The following KCNMA1 variants were observed in gnomAD, a reference collection of about 807,000 sequenced individuals.
KCNMA1 encodes Calcium-activated potassium channel subunit alpha-1.
A neutral mutation model predicts 140.0 loss-of-function variants in KCNMA1; 29 were observed. That is an observed-to-expected ratio of 0.21 (90% CI 0.15 to 0.28). The LOEUF (loss-of-function observed/expected upper bound fraction) is 0.28, where lower values mean the gene tolerates loss of function less well. KCNMA1 is among the 10% of genes least tolerant of loss of function. The pLI is 1.00. For missense variants in KCNMA1, 880 were observed against 1,602.2 expected, an observed-to-expected ratio of 0.55 and a Z score of 7.70; for synonymous variants, 612 against 611.9, an observed-to-expected ratio of 1.00 and a Z score of 0.00.
intron 12 of KCNMA1, among the ~76,000 whole-genome samples, chr10:77,080,280 C>T (rs1350605830): frequency 6.6e-6 from 1 of 152,226 alleles, no homozygotes; most frequent in Admixed American, 6.5e-5. Context: ...AATACGACAG[C>T]CTGCCCAGAG....
At chr10:77,212,940 C>T (rs995984050) in intron 3 of KCNMA1, among the ~76,000 whole-genome samples, 4 of 152,136 alleles carry the variant, frequency 2.6e-5, no homozygotes, top group African/African-American at 7.2e-5. Context: ...TAATTGGTTT[C>T]GTAAGCCTTC....
chr10:77,186,285 A>G (rs1243809525), intron 3 of KCNMA1, among the ~76,000 whole-genome samples: 1 of 152,080 alleles, frequency 6.6e-6, no homozygotes, highest in African/African-American at 2.4e-5. Flanking sequence ...AAATCTCCAG[A>G]CAAGCATTAA....
At chr10:77,480,130 T>C (rs1414737464) in intron 1 of KCNMA1, among the ~76,000 whole-genome samples, 1 of 152,224 alleles carries the variant, frequency 6.6e-6, no homozygotes, top group African/African-American at 2.4e-5. Context: ...GACGCCCATA[T>C]ATGTCAACTG....
Position 77,573,515 on chromosome 10 carries a change from C to T in KCNMA1, c.378+63750G>A, listed in dbSNP as rs183445917. ...AGCATCCTCCTCTACAGCAGGAGAG[C>T]TGGACTACAACAGCAATTTCAGATG... On this transcript the variant is annotated intron_variant, in intron 1 of 27. Transcript: ENST00000286628. 2.6e-5 allele frequency among the ~76,000 whole-genome samples: 4 copies of T among 152,194 alleles called. No homozygotes were observed. In the East Asian group the frequency reaches 7.7e-4, roughly 29 times the overall value.
At chr10:77,329,199 A>G (rs1031554425) in intron 2 of KCNMA1, among the ~76,000 whole-genome samples, 2 of 152,174 alleles carry the variant, frequency 1.3e-5, no homozygotes, top group African/African-American at 4.8e-5. Context: ...TGACTCTAAA[A>G]TCATCAAAAA....
At chr10:76,985,513 T>A (rs1288905069) in intron 19 of KCNMA1, among the ~76,000 whole-genome samples, 1 of 152,224 alleles carries the variant, frequency 6.6e-6, no homozygotes, top group East Asian at 1.9e-4. Flanking sequence ...TTTGCTCCTA[T>A]AACAAAACCT....
At chr10:77,018,941 C>A in intron 17 of KCNMA1, 72 bp downstream of exon 17, 1 of 848,340 alleles carries the variant, frequency 1.2e-6, no homozygotes, top group Non-Finnish European at 2.1e-6. Flanking sequence ...GTTATGGAAG[C>A]CTGCCTACTT....
chr10:77,097,232 G>A (rs1471724356), intron 9 of KCNMA1, among the ~76,000 whole-genome samples: 1 of 152,084 alleles, frequency 6.6e-6, no homozygotes, highest in Non-Finnish European at 1.5e-5. Flanking sequence ...TTCCCTTGAG[G>A]CTCAATCCCC....
intron 5 of KCNMA1, among the ~76,000 whole-genome samples, chr10:77,128,754 T>C (rs1390515616): frequency 6.6e-6 from 1 of 152,170 alleles, no homozygotes; most frequent in African/African-American, 2.4e-5. Flanking sequence ...TAAAATGTTA[T>C]TCATATAAAT....
chr10:76,932,259 A>C (rs2059465454), intron 23 of KCNMA1, among the ~76,000 whole-genome samples: 1 of 152,216 alleles, frequency 6.6e-6, no homozygotes, highest in South Asian at 2.1e-4. Context: ...TCAGCAGATG[A>C]AAATAAGGTG....
chr10:76,891,080 G>A (rs542139205), intron 26 of KCNMA1, among the ~76,000 whole-genome samples: 28 of 152,356 alleles, frequency 1.8e-4, no homozygotes, highest in Middle Eastern at 3.4e-3. Flanking sequence ...GTTGGGTTGA[G>A]TATCCCTAAG....
chr10:77,262,924 C>T (rs1482171033), intron 2 of KCNMA1, among the ~76,000 whole-genome samples: 1 of 152,096 alleles, frequency 6.6e-6, no homozygotes, highest in Non-Finnish European at 1.5e-5. Context: ...ATGATGATTG[C>T]ACAATGTGAA....
intron 5 of KCNMA1, among the ~76,000 whole-genome samples, chr10:77,126,308 A>C (rs2097731609): frequency 6.6e-6 from 1 of 152,180 alleles, no homozygotes; most frequent in Admixed American, 6.5e-5. Context: ...GTTTCAAAAA[A>C]TAGTAACTTC....
intron 3 of KCNMA1, 167 bp downstream of exon 3, chr10:77,251,028 T>G: frequency 3.0e-6 from 2 of 662,092 alleles, no homozygotes; most frequent in East Asian, 2.8e-5. Flanking sequence ...TTCTGAGAAC[T>G]TTCTTTCCCA....
chr10:77,083,242 A>T (rs1225835437), intron 12 of KCNMA1, among the ~76,000 whole-genome samples: 11 of 152,142 alleles, frequency 7.2e-5, no homozygotes, highest in Non-Finnish European at 1.3e-4. Flanking sequence ...TCTGCAATTT[A>T]TGCTACAGAA....
intron 18 of KCNMA1, among the ~76,000 whole-genome samples, chr10:77,011,630 C>A (rs1363589305): frequency 6.6e-6 from 1 of 152,166 alleles, no homozygotes; most frequent in Non-Finnish European, 1.5e-5. Flanking sequence ...GATACAAAAA[C>A]ACTTTGTGCT....
At chr10:77,589,884 G>C (rs886656010) in intron 1 of KCNMA1, among the ~76,000 whole-genome samples, 4 of 152,234 alleles carry the variant, frequency 2.6e-5, no homozygotes, top group African/African-American at 9.6e-5. Flanking sequence ...TGCTGGCTGC[G>C]GCAGCCTGCT....
At chr10:76,891,987 TG>T (rs1258679652) in intron 25 of KCNMA1, among the ~76,000 whole-genome samples, 1 of 152,152 alleles carries the variant, frequency 6.6e-6, no homozygotes, top group African/African-American at 2.4e-5. Flanking sequence ...GAATAATTAG[TG>T]TTTGCCATAA....
intron 2 of KCNMA1, among the ~76,000 whole-genome samples, chr10:77,398,747 G>C (rs169603): frequency 0.29 from 44,238 of 152,080 alleles, 6,487 homozygotes; most frequent in Middle Eastern, 0.41. Flanking sequence ...TGCAAGCCTA[G>C]AATATTTACT....
Sources: gnomAD v4.1 joint callset for allele counts (sites outside exome capture counted in the v4.1 genomes callset) on GRCh38, gnomAD v4.1.1 for gene constraint, MANE v1.5 for transcripts, NCBI Gene and HGNC (gene_info 2026-07-23, HGNC 2026-07-21) for gene names.